Variants in CHORDC1 observed in about 807,000 individuals in gnomAD.
CHORDC1 encodes the protein cysteine and histidine rich domain containing 1.
A neutral mutation model predicts 48.3 loss-of-function variants in CHORDC1; 25 were observed. That is an observed-to-expected ratio of 0.52 (90% CI 0.38 to 0.72). The LOEUF (loss-of-function observed/expected upper bound fraction) is 0.72, where lower values mean the gene tolerates loss of function less well. CHORDC1 is among the 30% of genes least tolerant of loss of function. CHORDC1 has a pLI of 0.00. For missense variants in CHORDC1, 317 were observed against 388.7 expected (o/e 0.82, Z 1.55); for synonymous variants, 128 against 126.4 (o/e 1.01, Z -0.09).
chr11:90,206,701 G>A, intron 6 of CHORDC1: 3 of 886,844 alleles, frequency 3.4e-6, no homozygotes, highest in South Asian at 2.9e-5. Flanking sequence ...AAGTTCTAGA[G>A]TGATGGTGAT....
At chr11:90,206,906 GAAAAT>G (rs560169776) in intron 6 of CHORDC1, 225 of 458,778 alleles carry the variant, frequency 4.9e-4, no homozygotes, top group Non-Finnish European at 8.0e-4. Flanking sequence ...CCTACAAACA[GAAAAT>G]AAAATTCTGT....
chr11:90,205,920 A>ACATTTAGCCCAAATAG, intron 7 of CHORDC1: 1 of 471,098 alleles, frequency 2.1e-6, no homozygotes. Flanking sequence ...TTCAAACAAA[A>ACATTTAGCCCAAATAG]CATTTAGCCC....
At chr11:90,217,668 G>C (rs1394910758) in intron 2 of CHORDC1, 2 of 152,236 alleles carry the variant, frequency 1.3e-5, no homozygotes, top group Non-Finnish European at 2.9e-5. Context: ...GGGAGGCTGA[G>C]GCAGGTGGAT....
intron 2 of CHORDC1, among the ~76,000 whole-genome samples, chr11:90,215,494 CTCTTT>C (rs1206519716): frequency 9.2e-5 from 14 of 151,858 alleles, no homozygotes; most frequent in Non-Finnish European, 1.6e-4. Flanking sequence ...AAAACTGTTT[CTCTTT>C]TCAACAATCG....
In CHORDC1 at chr11:90,218,385, G is replaced by T. The variant is rs201581986; in HGVS notation, c.65-201C>A. On this transcript the variant is annotated intron_variant, in intron 1 of 10. Coordinates refer to ENST00000320585, the MANE Select transcript of CHORDC1 (RefSeq NM_012124.3). Reference sequence around the variant, plus strand: ...ATTAAAAATTCTAATTCAAGCATATGATGACTAAGGACAAAAATACAGAAT... The same window carrying T: ...ATTAAAAATTCTAATTCAAGCATATTATGACTAAGGACAAAAATACAGAAT... Among the ~76,000 whole-genome samples the T allele has an allele frequency of 8.5e-5, 13 of 152,188 alleles. No homozygotes were observed. The East Asian group carries it at 1.9e-3, about 23-fold the overall frequency.
chr11:90,213,192 T>G, intron 4 of CHORDC1: 1 of 436,664 alleles, frequency 2.3e-6, no homozygotes, highest in East Asian at 3.3e-5. Flanking sequence ...CAAATAAACA[T>G]CTAAAGTCTC....
At chr11:90,222,541 T>C in intron 1 of CHORDC1, 1 of 493,150 alleles carries the variant, frequency 2.0e-6, no homozygotes, top group South Asian at 1.7e-5. Context: ...CGTTAATTTT[T>C]GCTTCCCCAG....
chr11:90,213,917 T>C (rs1434198821), intron 4 of CHORDC1, 101 bp downstream of exon 4: 7 of 1,020,902 alleles, frequency 6.9e-6, no homozygotes, highest in South Asian at 1.7e-5. Context: ...GTGGCCTACA[T>C]AGTAGCTACA....
intron 1 of CHORDC1, among the ~76,000 whole-genome samples, chr11:90,219,123 G>T (rs1418698821): frequency 6.6e-6 from 1 of 151,860 alleles, no homozygotes; most frequent in African/African-American, 2.4e-5. Flanking sequence ...AAAATTAGCC[G>T]GGCGTGGTAG....
At chr11:90,204,607 G>C (rs1025074258) in intron 8 of CHORDC1, among the ~76,000 whole-genome samples, 1 of 151,980 alleles carries the variant, frequency 6.6e-6, no homozygotes, top group Non-Finnish European at 1.5e-5. Context: ...TGTAGTCCCA[G>C]CTACTAGGGA....
rs747930735 is a variant in CHORDC1, at chr11:90,215,159, A to T, written c.171+15T>A. The T allele has an allele frequency of 1.4e-6, 2 of 1,407,842 alleles. No individual in the cohort carries two copies. The highest frequency in any genetic ancestry group is 2.5e-5 in the East Asian group (1 of 40,116). The allele number at this position is 1,407,842 out of a possible 1,614,324, so 87.2% of individuals were successfully genotyped here. ...TTTTTAGGAAGATAATCTAGAAAAA[A>T]TAATTAGTACTTACTACAATGCTTA... On this transcript the variant is annotated intron_variant, in intron 3 of 10. Transcript: ENST00000320585.
chr11:90,207,779 C>CAAA (rs1231587858), intron 6 of CHORDC1: 2 of 91,304 alleles, frequency 2.2e-5, no homozygotes, highest in Non-Finnish European at 4.3e-5. Context: ...AAAAAAAAAA[C>CAAA]AAAAAAAACT....
intron 5 of CHORDC1, chr11:90,210,902 A>C (rs1857842456): frequency 6.0e-6 from 2 of 333,850 alleles, no homozygotes; most frequent in Admixed American, 9.2e-5. Context: ...AGAATAGTGA[A>C]TATATTTTGT....
At chr11:90,210,462 T>C in intron 6 of CHORDC1, 74 bp downstream of exon 6, 1 of 877,996 alleles carries the variant, frequency 1.1e-6, no homozygotes, top group Non-Finnish European at 1.9e-6. Context: ...TTTGTTGAAT[T>C]GAGTCAGCAA....
chr11:90,215,310 A>G (rs1194757804), intron 2 of CHORDC1, 80 bp from the exon 3 acceptor site: 12 of 865,294 alleles, frequency 1.4e-5, no homozygotes, highest in Non-Finnish European at 1.8e-5. Flanking sequence ...ACTTGCACTT[A>G]TCTACTTGAA....
Position 90,202,390 on chromosome 11 carries a change from C to G in CHORDC1, c.*15G>C, listed in dbSNP as rs1311634019. 8.1e-6 allele frequency: 13 copies of G among 1,609,368 alleles called. No individual in the cohort carries two copies. The highest frequency in any genetic ancestry group is 1.1e-5 in the Non-Finnish European group (13 of 1,178,006). On this transcript the variant is annotated 3_prime_UTR_variant, in exon 11 of 11. Transcript: ENST00000320585. ...AATTCGGAAATAATGTAATAGCCTT[C>G]CTTCCATCTCCCACTCAATCTGTTG...
At chr11:90,204,040 T>G (rs1241743021) in intron 8 of CHORDC1, among the ~76,000 whole-genome samples, 1 of 152,188 alleles carries the variant, frequency 6.6e-6, no homozygotes, top group African/African-American at 2.4e-5. Flanking sequence ...ATTTGTTATA[T>G]AAATGAGAAC....
Position 90,211,234 on chromosome 11 carries a change from C to A in CHORDC1, c.414G>T (p.Gly138=). The A allele has an allele frequency of 4.4e-6, 7 of 1,583,920 alleles. No individual in the cohort carries two copies. Among genetic ancestry groups the A allele is most frequent in the Non-Finnish European group, 6.1e-6 (7 of 1,155,958 alleles). The change falls in exon 5 of 11, where the codon GGG becomes GGT. Residue 138 remains glycine (G), a synonymous_variant. Transcript: ENST00000320585. ...QALDKLKLSS[G]NEENKKEEDN... ...TCTTACCTTTCTTATTTTCTTCATT[C>A]CCTGATGACAGTTTAAGTTTATCAA...
rs1407510631 is a variant in CHORDC1, at chr11:90,204,871, G to C, written c.669+589C>G. ...TGCTCATCCTCTCACAATTTAATGG[G>C]GTTTTGGGAAATTATTTGCATAGCC... On this transcript the variant is annotated intron_variant, in intron 8 of 10. Transcript: ENST00000320585. Among the ~76,000 whole-genome samples, 9 of 152,038 alleles carry C rather than the reference G, an allele frequency of 5.9e-5. No homozygotes were observed. In the East Asian group the frequency reaches 1.2e-3, roughly 20 times the overall value.
Sources: allele counts gnomAD v4.1 joint callset (sites outside exome capture counted in the v4.1 genomes callset), GRCh38; gene constraint gnomAD v4.1.1; transcripts MANE v1.5; gene names NCBI Gene and HGNC (gene_info 2026-07-23, HGNC 2026-07-21).